SNX8: variants seen among roughly 807,000 people sequenced by gnomAD.
The protein encoded by SNX8 is sorting nexin 8.
In SNX8, 25 loss-of-function variants were observed where a neutral mutation model predicts 51.6. The ratio of observed to expected loss-of-function variants is 0.48; its 90% confidence interval spans 0.35 to 0.68. SNX8 has a LOEUF of 0.68. Ranked by LOEUF, SNX8 falls within the 30% of genes least tolerant of loss-of-function variation. The pLI, the probability that SNX8 is intolerant of heterozygous loss-of-function variation, is 0.00. For missense variants in SNX8, 695 were observed against 624.0 expected, an observed-to-expected ratio of 1.11 and a Z score of -1.21; for synonymous variants, 324 against 277.0, an observed-to-expected ratio of 1.17 and a Z score of -1.68.
chr7:2,308,756 AT>A (rs531701922), intron 1 of SNX8, among the ~76,000 whole-genome samples: 17 of 151,500 alleles, frequency 1.1e-4, no homozygotes, highest in Non-Finnish European at 2.4e-4. Context: ...GTGGGGCATA[AT>A]TTAATCACCA....
At chr7:2,313,468 A>G (rs1449422522) in intron 1 of SNX8, among the ~76,000 whole-genome samples, 1 of 151,132 alleles carries the variant, frequency 6.6e-6, no homozygotes, top group East Asian at 2.0e-4. Flanking sequence ...GGAGGTTGCA[A>G]TGAGCCGAGA....
At chr7:2,352,538 A>G (rs1463604329) in intron 1 of SNX8, among the ~76,000 whole-genome samples, 1 of 152,120 alleles carries the variant, frequency 6.6e-6, no homozygotes, top group Non-Finnish European at 1.5e-5. Context: ...ATGCATATGT[A>G]GAAAAAACAT....
chr7:2,351,940 G>C (rs765748804), intron 1 of SNX8, among the ~76,000 whole-genome samples: 153 of 42,906 alleles, frequency 3.6e-3, no homozygotes, highest in Admixed American at 0.016. Flanking sequence ...ATGGATTTTT[G>C]CTCGTTGCCC....
intron 1 of SNX8, among the ~76,000 whole-genome samples, chr7:2,291,257 G>A (rs555306325): frequency 2.1e-4 from 32 of 152,102 alleles, no homozygotes; most frequent in African/African-American, 5.8e-4. Context: ...CTATGATTGC[G>A]CTACTGCAGT....
intron 1 of SNX8, among the ~76,000 whole-genome samples, chr7:2,286,200 C>A (rs557829449): frequency 1.3e-5 from 2 of 150,326 alleles, no homozygotes; most frequent in East Asian, 2.0e-4. Flanking sequence ...TGGGTAGAGA[C>A]GGGGTTTCAC....
chr7:2,353,082 C>T (rs1562468057), intron 1 of SNX8, among the ~76,000 whole-genome samples: 1 of 152,066 alleles, frequency 6.6e-6, no homozygotes, highest in Non-Finnish European at 1.5e-5. Context: ...CTGCTTGAGG[C>T]CAGGAGTTTG....
chr7:2,333,678 G>C (rs1043700151), intron 1 of SNX8, among the ~76,000 whole-genome samples: 1 of 152,048 alleles, frequency 6.6e-6, no homozygotes, highest in African/African-American at 2.4e-5. Flanking sequence ...ACTCACATAT[G>C]GTTAATTGAT....
chr7:2,277,986 CCA>C lies in SNX8; in HGVS notation c.300+112_300+113del, dbSNP rs1584692319. The C allele has an allele frequency of 6.8e-6, 10 of 1,464,542 alleles. No individual in the cohort carries two copies. In the East Asian group the frequency reaches 2.4e-4, roughly 35 times the overall value. The allele number at this position is 1,464,542 out of a possible 1,614,324, so 90.7% of individuals were successfully genotyped here. A position where few individuals can be genotyped will look rare whatever the true frequency, so the allele number is the denominator to read the frequency against. Reference sequence around the variant, plus strand: ...GTTCTGGATCTTGCCTGTAAGCCAGCCACACAGACTCACCCTTCAGCCTTCTC... The same window carrying C: ...GTTCTGGATCTTGCCTGTAAGCCAGCCACAGACTCACCCTTCAGCCTTCTC... On this transcript the variant is annotated intron_variant, in intron 2 of 10. Coordinates refer to ENST00000222990, the MANE Select transcript of SNX8 (RefSeq NM_013321.4).
chr7:2,333,588 G>C (rs1778776309), intron 1 of SNX8, among the ~76,000 whole-genome samples: 1 of 152,042 alleles, frequency 6.6e-6, no homozygotes, highest in South Asian at 2.1e-4. Flanking sequence ...TAAAGCAGCA[G>C]CAATCAAGAT....
Position 2,264,411 on chromosome 7 carries a change from C to T in SNX8, c.669G>A (p.Glu223=), listed in dbSNP as rs768779756. ...AGCTATTGTAGATGTTCCGGATCAG[C>T]TCCCGGCTGATGGCAAACTGAGCCT... ...DIQAQFAISR[E]LIRNIYNSFH... The change falls in exon 6 of 11, where the codon GAG becomes GAA. Residue 223 remains glutamate, a synonymous_variant. Coordinates refer to ENST00000222990, the MANE Select transcript of SNX8 (RefSeq NM_013321.4). 1 of 1,612,490 alleles carries T rather than the reference C, an allele frequency of 6.2e-7. No homozygotes were observed. Among genetic ancestry groups the T allele is most frequent in the South Asian group, 1.1e-5 (1 of 91,086 alleles).
At chr7:2,327,777 C>T (rs575734314) in intron 1 of SNX8, among the ~76,000 whole-genome samples, 51 of 152,178 alleles carry the variant, frequency 3.4e-4, no homozygotes, top group Admixed American at 7.9e-4. Context: ...CTCCTGACCT[C>T]GTGATCCGCC....
intron 1 of SNX8, among the ~76,000 whole-genome samples, chr7:2,327,421 T>A (rs534946167): frequency 4.5e-5 from 6 of 132,192 alleles, no homozygotes; most frequent in South Asian, 2.4e-4. Context: ...TTTATTTTTT[T>A]TTTGGAAACG....
At chr7:2,255,258 C>G (rs575188712) in intron 10 of SNX8, 89 bp from the exon 11 acceptor site, 1 of 852,648 alleles carries the variant, frequency 1.2e-6, no homozygotes. Context: ...CTGCCAGTGA[C>G]AGGGAGGGAG....
upstream of SNX8, among the ~76,000 whole-genome samples, chr7:2,317,301 CAGAG>C (rs1796773056): frequency 1.3e-5 from 1 of 79,988 alleles, no homozygotes; most frequent in South Asian, 4.8e-4. Flanking sequence ...TTTTTTGAGA[CAGAG>C]TCTCACTCTG....
In SNX8 at chr7:2,264,302, G is replaced by A; in HGVS notation, c.778C>T (p.Leu260=). 6.2e-7 allele frequency: 1 copy of A among 1,610,730 alleles called. No homozygotes were observed. Among genetic ancestry groups the A allele is most frequent in the Non-Finnish European group, 8.5e-7 (1 of 1,178,338 alleles). ...AADLLIFGKE[L]SAIGSDTTPL... is the part of the protein sequence containing the mutation. ...AGAAGCTGAAAGGTCACCTACCTTAGCTCCTTCCCGAATATGAGAAGATCT... is the reference window on the plus strand; with the variant it reads ...AGAAGCTGAAAGGTCACCTACCTTAACTCCTTCCCGAATATGAGAAGATCT... The change falls in exon 6 of 11, where the codon CTA becomes TTA. Residue 260 remains leucine (L), a synonymous_variant. Coordinates refer to ENST00000222990, the MANE Select transcript of SNX8 (RefSeq NM_013321.4).
rs1354753698 is a variant in SNX8 at position 2,303,122 on chromosome 7, C to T, written c.94+11206G>A. ...GAGGGAGGTGGGGGGGTCAGCCCCC[C>T]GCCCGGCCAGCCGCCCCGTCCGGGA... On this transcript the variant is annotated intron_variant, in intron 1 of 10. Coordinates refer to ENST00000222990, the MANE Select transcript of SNX8 (RefSeq NM_013321.4). Among the ~76,000 whole-genome samples, 30 of 148,554 alleles carry T rather than the reference C, an allele frequency of 2.0e-4. 1 individual carries two copies. The highest frequency in any genetic ancestry group is 6.9e-4 in the African/African-American group (28 of 40,432).
chr7:2,314,204 G>C (rs1463480960), intron 1 of SNX8, 124 bp downstream of exon 1: 1 of 1,054,910 alleles, frequency 9.5e-7, no homozygotes, highest in African/African-American at 1.7e-5. Flanking sequence ...GCGTGGGGCC[G>C]AACGCGGGGC....
chr7:2,283,395 A>G (rs1795953172), intron 1 of SNX8, among the ~76,000 whole-genome samples: 1 of 152,188 alleles, frequency 6.6e-6, no homozygotes, highest in African/African-American at 2.4e-5. Context: ...ACACACCCCC[A>G]GCTCCAGGTC....
At chr7:2,322,355 G>T (rs1203260018) in intron 1 of SNX8, among the ~76,000 whole-genome samples, 1 of 152,018 alleles carries the variant, frequency 6.6e-6, no homozygotes, top group Non-Finnish European at 1.5e-5. Context: ...CTATGATTGT[G>T]CCACCGTATT....
Sources: allele counts gnomAD v4.1 joint callset (sites outside exome capture counted in the v4.1 genomes callset), GRCh38; gene constraint gnomAD v4.1.1; transcripts MANE v1.5; gene names NCBI Gene and HGNC (gene_info 2026-07-23, HGNC 2026-07-21).